Variants in WWTR1 observed in about 807,000 individuals in gnomAD.
WWTR1 encodes WW domain-containing transcription regulator protein 1.
A neutral mutation model predicts 40.1 loss-of-function variants in WWTR1; 13 were observed. That is an observed-to-expected ratio of 0.32 (90% CI 0.21 to 0.52). The LOEUF (loss-of-function observed/expected upper bound fraction) is 0.52, where lower values mean the gene tolerates loss of function less well. Among genes scored for constraint, WWTR1 ranks in the 20% least tolerant of loss-of-function variants. The pLI is 0.97. For missense variants in WWTR1, 436 were observed against 523.1 expected (o/e 0.83, Z 1.63); for synonymous variants, 230 against 210.1 (o/e 1.09, Z -0.82).
chr3:149,569,309 A>AT lies in WWTR1; in HGVS notation c.568+3554dup, dbSNP rs1003943833. ...GCTATAGTTAAATAAAATATAAAATATTTTTTGCCATAAAAATAATGATAA... is the reference window on the plus strand; with the variant it reads ...GCTATAGTTAAATAAAATATAAAATATTTTTTTGCCATAAAAATAATGATAA... On this transcript the variant is annotated intron_variant, in intron 3 of 6. Transcript: ENST00000360632. Among the ~76,000 whole-genome samples the AT allele has an allele frequency of 2.3e-4, 35 of 152,322 alleles. 1 individual carries two copies. In the South Asian group the frequency reaches 5.8e-3, roughly 25 times the overall value.
At chr3:149,525,854 A>G (rs1239599896) in intron 6 of WWTR1, 159 bp downstream of exon 6, 6 of 425,960 alleles carry the variant, frequency 1.4e-5, no homozygotes, top group Non-Finnish European at 2.4e-5. Flanking sequence ...AAACCCCGGC[A>G]TCACATAACC....
chr3:149,552,663 T>C (rs1431956431), intron 3 of WWTR1, among the ~76,000 whole-genome samples: 3 of 152,168 alleles, frequency 2.0e-5, no homozygotes, highest in Non-Finnish European at 4.4e-5. Flanking sequence ...CTCATCACTT[T>C]CCCCACAGCA....
chr3:149,561,647 C>T (rs1737081455), intron 3 of WWTR1, among the ~76,000 whole-genome samples: 1 of 152,202 alleles, frequency 6.6e-6, no homozygotes, highest in African/African-American at 2.4e-5. Context: ...AACTAAATAT[C>T]CAGCACACAG....
At chr3:149,539,971 T>C (rs1187237378) in intron 4 of WWTR1, among the ~76,000 whole-genome samples, 7 of 152,010 alleles carry the variant, frequency 4.6e-5, no homozygotes, top group Non-Finnish European at 1.0e-4. Context: ...GGAAAAAATC[T>C]GCCATGATTA....
intron 2 of WWTR1, among the ~76,000 whole-genome samples, chr3:149,645,161 G>A (rs905503189): frequency 1.3e-5 from 2 of 150,886 alleles, no homozygotes; most frequent in Non-Finnish European, 2.9e-5. Context: ...CTCACTACAA[G>A]CTCTGCCTCC....
intron 1 of WWTR1, among the ~76,000 whole-genome samples, chr3:149,670,595 G>A (rs1214596095): frequency 4.9e-5 from 7 of 142,766 alleles, no homozygotes; most frequent in African/African-American, 1.8e-4. Context: ...AGTGAGCCGA[G>A]ATCATGCCAC....
At position 149,586,854 on chromosome 3, in the gene WWTR1, G is replaced by A. The variant is rs543021232; in HGVS notation, c.432-13854C>T. Among the ~76,000 whole-genome samples the A allele has an allele frequency of 3.9e-5, 6 of 152,312 alleles. No individual in the cohort carries two copies. In the South Asian group the frequency reaches 6.2e-4, roughly 16 times the overall value. ...ATAAAGCCTCCATAAAAATCCATAA[G>A]GATAGGGTTCAGAGAGCTTCTGGAT... On this transcript the variant is annotated intron_variant, in intron 2 of 6. Transcript: ENST00000360632.
At chr3:149,631,149 T>C (rs1576609705) in intron 2 of WWTR1, among the ~76,000 whole-genome samples, 2 of 152,246 alleles carry the variant, frequency 1.3e-5, no homozygotes, top group Non-Finnish European at 1.5e-5. Flanking sequence ...GGAATAAAGA[T>C]TCACATAATT....
chr3:149,647,970 A>G (rs1391218561), intron 2 of WWTR1, among the ~76,000 whole-genome samples: 1 of 152,202 alleles, frequency 6.6e-6, no homozygotes, highest in African/African-American at 2.4e-5. Flanking sequence ...AATACAAGTC[A>G]GTACAAGCTC....
intron 3 of WWTR1, among the ~76,000 whole-genome samples, chr3:149,545,388 A>G (rs770689481): frequency 5.3e-5 from 8 of 152,238 alleles, no homozygotes; most frequent in Non-Finnish European, 8.8e-5. Context: ...TGTTCTTACT[A>G]GTAGTTATAT....
In WWTR1 at chr3:149,520,907, T is replaced by C. The variant is rs766709675; in HGVS notation, c.1101A>G (p.Thr367=). 1 of 1,613,638 alleles carries C rather than the reference T, an allele frequency of 6.2e-7. No individual in the cohort carries two copies. The highest frequency in any genetic ancestry group is 1.1e-5 in the South Asian group (1 of 90,864). ...FPDFLDCLPG[T]NVDLGTLESE... ...ATTCCAAAGTTCCTAAGTCAACGTT[T>C]GTTCCTGGAAGACAGTCAAGGAAAT... Residue 367 remains threonine (T), a synonymous_variant, in exon 7 of 7, where the codon ACA becomes ACG. Transcript: ENST00000360632.
intron 2 of WWTR1, among the ~76,000 whole-genome samples, chr3:149,663,599 G>A (rs1262372976): frequency 6.6e-6 from 1 of 152,072 alleles, no homozygotes; most frequent in Non-Finnish European, 1.5e-5. Flanking sequence ...GGGAGGCTGA[G>A]GCAGGAGAAT....
intron 5 of WWTR1, among the ~76,000 whole-genome samples, chr3:149,710,173 T>G (rs1337774033): frequency 6.6e-6 from 1 of 152,178 alleles, no homozygotes; most frequent in Non-Finnish European, 1.5e-5. Flanking sequence ...TTTATTCCCA[T>G]GTTTTCAGAA....
chr3:149,555,602 C>A (rs1262612430), intron 3 of WWTR1, among the ~76,000 whole-genome samples: 1 of 151,986 alleles, frequency 6.6e-6, no homozygotes, highest in Non-Finnish European at 1.5e-5. Flanking sequence ...GAGGACTGTA[C>A]CCATATATCT....
At chr3:149,583,516 T>C (rs1738253741) in intron 2 of WWTR1, among the ~76,000 whole-genome samples, 1 of 152,160 alleles carries the variant, frequency 6.6e-6, no homozygotes, top group Admixed American at 6.5e-5. Flanking sequence ...AAAATCAGTT[T>C]TGGCAAATGT....
chr3:149,548,115 C>A (rs1736449374), intron 3 of WWTR1, among the ~76,000 whole-genome samples: 2 of 152,004 alleles, frequency 1.3e-5, no homozygotes, highest in African/African-American at 4.8e-5. Flanking sequence ...CTGCCTGGGG[C>A]AATATACACT....
chr3:149,666,125 G>T (rs924343370), intron 2 of WWTR1, among the ~76,000 whole-genome samples: 1 of 152,030 alleles, frequency 6.6e-6, no homozygotes, highest in Non-Finnish European at 1.5e-5. Context: ...TCACAGATCT[G>T]GTTACACTAG....
At chr3:149,651,992 A>ATTTTTTTTTTTT (rs368845286) in intron 2 of WWTR1, among the ~76,000 whole-genome samples, 89 of 93,706 alleles carry the variant, frequency 9.5e-4, no homozygotes, top group African/African-American at 1.7e-3. Flanking sequence ...CGCCCGGCTA[A>ATTTTTTTTTTTT]TTTTTTTTTT....
At chr3:149,547,413 C>T (rs1736416815) in intron 3 of WWTR1, among the ~76,000 whole-genome samples, 1 of 152,000 alleles carries the variant, frequency 6.6e-6, no homozygotes, top group African/African-American at 2.4e-5. Context: ...ATAATCCCAG[C>T]TACTCGGGAG....
Sources: allele counts gnomAD v4.1 joint callset (sites outside exome capture counted in the v4.1 genomes callset), GRCh38; gene constraint gnomAD v4.1.1; transcripts MANE v1.5; gene names NCBI Gene and HGNC (gene_info 2026-07-23, HGNC 2026-07-21).